The following NFE2L2 variants were observed in gnomAD, a reference collection of about 807,000 sequenced individuals.
NFE2L2 encodes the protein nuclear factor erythroid 2-related factor 2.
A neutral mutation model predicts 49.6 loss-of-function variants in NFE2L2; 20 were observed. That is an observed-to-expected ratio of 0.40 (90% CI 0.28 to 0.59). The LOEUF (loss-of-function observed/expected upper bound fraction) is 0.59. Among genes scored for constraint, NFE2L2 ranks in the 20% least tolerant of loss-of-function variants. NFE2L2 has a pLI of 0.40. For synonymous variants in NFE2L2, 244 were observed against 256.5 expected (o/e 0.95, Z 0.47); for missense variants, 578 against 714.2 (o/e 0.81, Z 2.17).
At chr2:177,262,885 A>G (rs1461300921) in intron 1 of NFE2L2, among the ~76,000 whole-genome samples, 1 of 152,216 alleles carries the variant, frequency 6.6e-6, no homozygotes, top group Non-Finnish European at 1.5e-5. Context: ...TTAATTCTTC[A>G]CTAGTTGGAA....
intron 1 of NFE2L2, among the ~76,000 whole-genome samples, chr2:177,244,579 C>T (rs1049264227): frequency 6.6e-6 from 1 of 152,158 alleles, no homozygotes; most frequent in Non-Finnish European, 1.5e-5. Context: ...TAACGACTGC[C>T]ACAAAGTGTA....
In NFE2L2 at chr2:177,264,666, G is replaced by A. The variant is rs1690872691; in HGVS notation, c.-90C>T. On this transcript the variant is annotated 5_prime_UTR_variant, in exon 1 of 5. Coordinates refer to ENST00000397062, the MANE Select transcript of NFE2L2 (RefSeq NM_006164.5). ...GCGCGGACAGGGCGGCTCTGGTGGCGGCGGCGGCGGCGGTGGCGGCTGCGT... is the reference window on the plus strand; with the variant it reads ...GCGCGGACAGGGCGGCTCTGGTGGCAGCGGCGGCGGCGGTGGCGGCTGCGT... 2.8e-6 allele frequency: 3 copies of A among 1,083,818 alleles called. No homozygotes were observed. The South Asian group carries it at 9.9e-5, about 36-fold the overall frequency. The allele number at this position is 1,083,818 out of a possible 1,614,324, so 67.1% of individuals were successfully genotyped here.
At chr2:177,245,659 G>T (rs981651305) in intron 1 of NFE2L2, among the ~76,000 whole-genome samples, 25 of 151,994 alleles carry the variant, frequency 1.6e-4, no homozygotes, top group Middle Eastern at 6.8e-3. Context: ...GCCTAGGCTG[G>T]AGTGCAGTGG....
intron 1 of NFE2L2, among the ~76,000 whole-genome samples, chr2:177,237,913 C>G (rs1689809605): frequency 2.0e-5 from 3 of 152,200 alleles, no homozygotes; most frequent in Non-Finnish European, 4.4e-5. Context: ...TTTCTGCAAA[C>G]TGGAGCTATC....
rs34154613 is a variant in NFE2L2 at position 177,231,801 on chromosome 2, C to T, written c.802G>A (p.Val268Met). The T allele has an allele frequency of 4.1e-3, 6,666 of 1,614,212 alleles. 33 individuals carry two copies. Among genetic ancestry groups the T allele is most frequent in the Non-Finnish European group, 5.1e-3 (6,038 of 1,180,030 alleles). ...LSTEDPNQLT[V>M]NSLNSDATVN... is the part of the protein sequence containing the mutation. The stretch of plus-strand genomic sequence containing the variant: ...GTGGCATCTGAATTTAATGAGTTCA[C>T]TGTCAACTGGTTGGGGTCTTCTGTG... Residue 268 changes from valine to methionine, a missense_variant, in exon 5 of 5, where the codon GTG becomes ATG. Val to Met is a conservative substitution (Grantham distance 21). Coordinates refer to ENST00000397062, the MANE Select transcript of NFE2L2 (RefSeq NM_006164.5).
At chr2:177,242,460 C>T (rs1323404745) in intron 1 of NFE2L2, among the ~76,000 whole-genome samples, 1 of 152,180 alleles carries the variant, frequency 6.6e-6, no homozygotes, top group Non-Finnish European at 1.5e-5. Context: ...CAAGTTAAAA[C>T]CCTAGTTCAC....
At chr2:177,257,982 C>G (rs1474742105) in intron 1 of NFE2L2, among the ~76,000 whole-genome samples, 2 of 152,234 alleles carry the variant, frequency 1.3e-5, no homozygotes, top group Non-Finnish European at 2.9e-5. Flanking sequence ...GGCACTGGCT[C>G]TCAAACCTGA....
At chr2:177,239,164 T>C (rs1422909085) in intron 1 of NFE2L2, among the ~76,000 whole-genome samples, 1 of 152,192 alleles carries the variant, frequency 6.6e-6, no homozygotes, top group Non-Finnish European at 1.5e-5. Context: ...AAGCATTATT[T>C]AGACTAGCTC....
chr2:177,251,979 C>T (rs1690356834), intron 1 of NFE2L2, among the ~76,000 whole-genome samples: 2 of 117,066 alleles, frequency 1.7e-5, no homozygotes, highest in Admixed American at 1.2e-4. Flanking sequence ...CCAGCCTGGG[C>T]GACAGAGTGA....
chr2:177,242,285 T>TA lies in NFE2L2; in HGVS notation c.46-8015dup, dbSNP rs557768429. ...TTATTTCTATGTAACTACAGTGCCTTAAAAAAAATAACTGGCCTAGCAACA... is the reference window on the plus strand; with the variant it reads ...TTATTTCTATGTAACTACAGTGCCTTAAAAAAAAATAACTGGCCTAGCAACA... On this transcript the variant is annotated intron_variant, in intron 1 of 4. Transcript: ENST00000397062. Among the ~76,000 whole-genome samples the TA allele has an allele frequency of 2.9e-3, 448 of 152,144 alleles. 2 individuals are homozygous for TA. Among genetic ancestry groups the TA allele is most frequent in the Middle Eastern group, 0.01 (3 of 294 alleles).
At chr2:177,239,669 C>T (rs942446635) in intron 1 of NFE2L2, among the ~76,000 whole-genome samples, 2 of 151,846 alleles carry the variant, frequency 1.3e-5, no homozygotes, top group South Asian at 4.1e-4. Flanking sequence ...AAAGTGAGAC[C>T]TTGTCTCAAA....
At chr2:177,239,310 A>G (rs1689864150) in intron 1 of NFE2L2, among the ~76,000 whole-genome samples, 1 of 152,142 alleles carries the variant, frequency 6.6e-6, no homozygotes, top group African/African-American at 2.4e-5. Flanking sequence ...GCTGGGGGAC[A>G]TTCAGTGCAA....
chr2:177,237,170 C>T (rs556681053), intron 1 of NFE2L2, among the ~76,000 whole-genome samples: 3 of 152,226 alleles, frequency 2.0e-5, no homozygotes, highest in East Asian at 1.9e-4. Flanking sequence ...TGGCCTTTTT[C>T]CAAATATTTT....
At chr2:177,234,654 G>C (rs1295909003) in intron 1 of NFE2L2, among the ~76,000 whole-genome samples, 3 of 152,202 alleles carry the variant, frequency 2.0e-5, no homozygotes, top group Non-Finnish European at 4.4e-5. Flanking sequence ...AAGAGAAGTG[G>C]GGTCTGGAAA....
chr2:177,236,118 G>A (rs1190616420), intron 1 of NFE2L2, among the ~76,000 whole-genome samples: 2 of 152,258 alleles, frequency 1.3e-5, no homozygotes, highest in African/African-American at 4.8e-5. Flanking sequence ...TCATTCTGCT[G>A]ACAGCTGGCA....
chr2:177,245,942 G>T (rs1407155167), intron 1 of NFE2L2, among the ~76,000 whole-genome samples: 2 of 152,130 alleles, frequency 1.3e-5, no homozygotes, highest in Non-Finnish European at 2.9e-5. Flanking sequence ...ACACGTTGAG[G>T]CTTCGGGGAT....
At chr2:177,263,783 C>T (rs2105501562) in intron 1 of NFE2L2, 1 of 985,518 alleles carries the variant, frequency 1.0e-6, no homozygotes, top group Non-Finnish European at 1.2e-6. Context: ...GCCCGAACCC[C>T]TCCCCGGCCG....
intron 1 of NFE2L2, among the ~76,000 whole-genome samples, chr2:177,249,964 T>G (rs1278941714): frequency 6.6e-6 from 1 of 152,232 alleles, no homozygotes; most frequent in Non-Finnish European, 1.5e-5. Context: ...GGGGTGACTT[T>G]GACGGAACCA....
At position 177,231,551 on chromosome 2, in the gene NFE2L2, C is replaced by G. The variant is rs2105452953; in HGVS notation, c.1052G>C (p.Ser351Thr). 1.2e-6 allele frequency: 2 copies of G among 1,614,178 alleles called. No individual in the cohort carries two copies. Among genetic ancestry groups the G allele is most frequent in the Non-Finnish European group, 8.5e-7 (1 of 1,180,030 alleles). Residue 351 changes from serine (S) to threonine (T), a missense_variant, in exon 5 of 5, where the codon AGT becomes ACT. Around this residue, in one of 3 missense-constraint regions of NFE2L2, gnomAD observed 368 missense variants for 384.6 expected, o/e 0.96. Coordinates refer to ENST00000397062, the MANE Select transcript of NFE2L2 (RefSeq NM_006164.5). ...GTGTTCTGGTGATGCCACACTGGGACTTGTGTTTAGTGAAATGCCGGAGTC... is the reference window on the plus strand; with the variant it reads ...GTGTTCTGGTGATGCCACACTGGGAGTTGTGTTTAGTGAAATGCCGGAGTC... ...DSDSGISLNTSPSVASPEHSV... is the reference protein window; with the variant it reads ...DSDSGISLNTTPSVASPEHSV...
Sources: allele counts gnomAD v4.1 joint callset (sites outside exome capture counted in the v4.1 genomes callset), GRCh38; gene constraint gnomAD v4.1.1; regional missense constraint gnomAD v4.1.1; transcripts MANE v1.5; gene names NCBI Gene and HGNC (gene_info 2026-07-23, HGNC 2026-07-21).